Variants in ITPR1 observed in about 807,000 individuals in gnomAD.
ITPR1 encodes inositol 1,4,5-trisphosphate-gated calcium channel ITPR1.
In ITPR1, 96 loss-of-function variants were observed where a neutral mutation model predicts 318.4. That is an observed-to-expected ratio of 0.30 (90% CI 0.26 to 0.36). The LOEUF (loss-of-function observed/expected upper bound fraction) is 0.36, where lower values mean the gene tolerates loss of function less well. Among genes scored for constraint, ITPR1 ranks in the 10% least tolerant of loss-of-function variants. ITPR1 has a pLI of 1.00. For synonymous variants in ITPR1, 1,312 were observed against 1,289.9 expected (o/e 1.02, Z -0.37); for missense variants, 2,440 against 3,460.2 (o/e 0.71, Z 7.40).
intron 39 of ITPR1, among the ~76,000 whole-genome samples, chr3:4,712,339 T>A (rs2041438396): frequency 6.6e-6 from 1 of 152,226 alleles, no homozygotes; most frequent in East Asian, 1.9e-4. Flanking sequence ...TCACCACTTC[T>A]GAGGGAGATT....
In ITPR1 at chr3:4,670,736, C is replaced by A; in HGVS notation, c.2014C>A (p.Leu672Ile). 6.3e-7 allele frequency: 1 copy of A among 1,585,280 alleles called. No homozygotes were observed. Among genetic ancestry groups the A allele is most frequent in the Non-Finnish European group, 8.6e-7 (1 of 1,164,014 alleles). The change falls in exon 20 of 62, where the codon CTT (leucine) becomes ATT (isoleucine). Residue 672 changes from leucine to isoleucine, a missense_variant. By Grantham distance (5) the Leu-to-Ile change is conservative. Around this residue, in one of 23 missense-constraint regions of ITPR1, gnomAD observed 478 missense variants for 696.3 expected, o/e 0.69. Transcript: ENST00000649015. ...CCTCCTCTTGTTTTCTAGGTTGGTT[C>A]TTTCTCGTTTTGAATTTGAAGGTGT... is the stretch of plus-strand genomic sequence containing the variant. The part of the protein sequence containing the change: ...ADILIETKLV[L>I]SRFEFEGVSS...
intron 30 of ITPR1, among the ~76,000 whole-genome samples, chr3:4,687,334 A>G (rs548821391): frequency 9.8e-5 from 15 of 152,322 alleles, no homozygotes; most frequent in East Asian, 7.7e-4. Flanking sequence ...TAAGCACTTC[A>G]TGTGACTTTT....
chr3:4,508,816 C>T (rs1043731910), intron 2 of ITPR1, among the ~76,000 whole-genome samples: 2 of 152,206 alleles, frequency 1.3e-5, no homozygotes, highest in Non-Finnish European at 2.9e-5. Flanking sequence ...TGAGGTCTGG[C>T]CAGCTTTGGT....
At chr3:4,691,621 G>A (rs1011694782) in intron 32 of ITPR1, among the ~76,000 whole-genome samples, 1 of 152,154 alleles carries the variant, frequency 6.6e-6, no homozygotes. Context: ...CTGAATTATA[G>A]GGAATGGAGA....
intron 42 of ITPR1, among the ~76,000 whole-genome samples, chr3:4,729,593 C>T (rs369654863): frequency 3.3e-5 from 5 of 152,332 alleles, no homozygotes; most frequent in African/African-American, 1.2e-4. Flanking sequence ...CCTTGTTCAA[C>T]ACTGGCTCTC....
chr3:4,525,029 G>T (rs953530277), intron 4 of ITPR1, among the ~76,000 whole-genome samples: 10 of 152,090 alleles, frequency 6.6e-5, no homozygotes, highest in African/African-American at 2.4e-4. Context: ...TTAGTACAGA[G>T]CCTGGTACTT....
intron 17 of ITPR1, among the ~76,000 whole-genome samples, chr3:4,666,230 C>G (rs1046828770): frequency 4.6e-5 from 7 of 152,180 alleles, no homozygotes; most frequent in African/African-American, 1.4e-4. Context: ...TGCCACTATA[C>G]TGGACTTTTA....
In ITPR1 at chr3:4,703,064, A is replaced by T. The variant is rs111493094; in HGVS notation, c.4657+114A>T. ...CTCTTCTAAAGTTACACAGACAGGAAGTTTCAGAGCCAGACCCGGAACCAA... is the reference window on the plus strand; with the variant it reads ...CTCTTCTAAAGTTACACAGACAGGATGTTTCAGAGCCAGACCCGGAACCAA... On this transcript the variant is annotated intron_variant, in intron 36 of 61. Coordinates refer to ENST00000649015, the MANE Select transcript of ITPR1 (RefSeq NM_001378452.1). 9.7e-5 allele frequency: 118 copies of T among 1,215,180 alleles called. 1 individual carries two copies. In the African/African-American group the frequency reaches 1.4e-3, roughly 14 times the overall value. The allele number at this position is 1,215,180 out of a possible 1,614,324, so 75.3% of individuals were successfully genotyped here.
chr3:4,725,940 AC>A (rs2042484861), intron 41 of ITPR1, among the ~76,000 whole-genome samples: 1 of 152,342 alleles, frequency 6.6e-6, no homozygotes, highest in East Asian at 1.9e-4. Flanking sequence ...GAGATGATGC[AC>A]TTTTGAAGTT....
At chr3:4,561,764 G>T (rs1029187164) in intron 4 of ITPR1, among the ~76,000 whole-genome samples, 1 of 151,880 alleles carries the variant, frequency 6.6e-6, no homozygotes, top group Admixed American at 6.6e-5. Flanking sequence ...TTAATTTAAC[G>T]TGGGTTAAAA....
intron 4 of ITPR1, among the ~76,000 whole-genome samples, chr3:4,614,137 A>G (rs1202458272): frequency 6.6e-6 from 1 of 152,224 alleles, no homozygotes; most frequent in African/African-American, 2.4e-5. Context: ...GTGGCAGTGC[A>G]TACCTCTAGT....
In ITPR1 at chr3:4,627,759, C is replaced by T; in HGVS notation, c.164-4C>T. ...CAATTTCTGTTTGTTTGCTTCACTT[C>T]TAGACTGCCTCTTTAAGCTATGTCC... On this transcript the variant is annotated splice_polypyrimidine_tract_variant and splice_region_variant and intron_variant, in intron 4 of 61. Transcript: ENST00000649015. The T allele has an allele frequency of 6.3e-7, 1 of 1,597,046 alleles. No individual in the cohort carries two copies. The highest frequency in any genetic ancestry group is 2.2e-5 in the East Asian group (1 of 44,762).
intron 12 of ITPR1, among the ~76,000 whole-genome samples, chr3:4,654,553 G>T (rs1417054561): frequency 6.6e-6 from 1 of 152,340 alleles, no homozygotes; most frequent in South Asian, 2.1e-4. Flanking sequence ...GAAAGGGTGG[G>T]TATAAGTAAG....
intron 4 of ITPR1, among the ~76,000 whole-genome samples, chr3:4,561,174 T>C (rs1403494909): frequency 2.6e-5 from 4 of 152,206 alleles, no homozygotes; most frequent in African/African-American, 9.7e-5. Flanking sequence ...GAATAAATAG[T>C]CTCATATGAA....
intron 19 of ITPR1, 50 bp from the exon 20 acceptor site, chr3:4,670,679 C>A: frequency 7.6e-7 from 1 of 1,315,306 alleles, no homozygotes; most frequent in South Asian, 1.3e-5. Flanking sequence ...AGCTAGATCT[C>A]AAAGTATTTT....
intron 4 of ITPR1, among the ~76,000 whole-genome samples, chr3:4,626,411 G>C (rs1270064439): frequency 6.6e-6 from 1 of 152,144 alleles, no homozygotes. Context: ...AATATTTTAA[G>C]TGGTTTTAGT....
At chr3:4,608,002 A>C (rs1374651069) in intron 4 of ITPR1, among the ~76,000 whole-genome samples, 1 of 152,042 alleles carries the variant, frequency 6.6e-6, no homozygotes, top group Non-Finnish European at 1.5e-5. Context: ...CAAAGGGTTG[A>C]GTTTTGGGGA....
chr3:4,739,655 C>T (rs1215191503), intron 44 of ITPR1, among the ~76,000 whole-genome samples: 3 of 152,234 alleles, frequency 2.0e-5, no homozygotes, highest in Non-Finnish European at 4.4e-5. Flanking sequence ...CCCACCTCCA[C>T]CTGTAGTTAT....
At chr3:4,568,034 C>T (rs1410915408) in intron 4 of ITPR1, among the ~76,000 whole-genome samples, 3 of 152,154 alleles carry the variant, frequency 2.0e-5, no homozygotes, top group Non-Finnish European at 2.9e-5. Flanking sequence ...GATTTGAAAT[C>T]TATGCCAAAG....
Sources: gnomAD v4.1 joint callset for allele counts (sites outside exome capture counted in the v4.1 genomes callset) on GRCh38, gnomAD v4.1.1 for gene constraint, gnomAD v4.1.1 regional missense constraint, MANE v1.5 for transcripts, NCBI Gene and HGNC (gene_info 2026-07-23, HGNC 2026-07-21) for gene names.